SCMH1: variants seen among roughly 807,000 people sequenced by gnomAD.
The protein encoded by SCMH1 is Scm polycomb group protein homolog 1, also known as polycomb protein SCMH1.
In SCMH1, 37 loss-of-function variants were observed where a neutral mutation model predicts 70.8. That is an observed-to-expected ratio of 0.52 (90% CI 0.40 to 0.69). The LOEUF is 0.69. Among genes scored for constraint, SCMH1 ranks in the 30% least tolerant of loss-of-function variants. SCMH1 has a pLI of 0.00. For missense variants in SCMH1, 607 were observed against 827.3 expected (o/e 0.73, Z 3.27); for synonymous variants, 292 against 307.4 (o/e 0.95, Z 0.52).
intron 10 of SCMH1, among the ~76,000 whole-genome samples, chr1:41,056,660 G>A (rs552710883): frequency 2.0e-5 from 3 of 152,318 alleles, no homozygotes; most frequent in Non-Finnish European, 2.9e-5. Flanking sequence ...AATTTGAAGA[G>A]ACAGACAGGT....
chr1:41,036,906 A>G (rs190060487), intron 13 of SCMH1, among the ~76,000 whole-genome samples: 1 of 152,252 alleles, frequency 6.6e-6, no homozygotes, highest in African/African-American at 2.4e-5. Context: ...GTGTCCCTTG[A>G]ACACCAAGCT....
At chr1:41,037,413 A>G (rs1645456586) in exon 13 of SCMH1, 1 of 1,614,220 alleles carries the variant, frequency 6.2e-7, no homozygotes, top group Non-Finnish European at 8.5e-7. Flanking sequence ...GGGAGGCCAC[A>G]GGATGAAAGC....
intron 10 of SCMH1, among the ~76,000 whole-genome samples, chr1:41,052,239 A>G (rs562727090): frequency 6.6e-6 from 1 of 152,276 alleles, no homozygotes; most frequent in South Asian, 2.1e-4. Context: ...CCTGTTAGGA[A>G]AGGGGCTGCA....
intron 6 of SCMH1, among the ~76,000 whole-genome samples, chr1:41,127,302 T>C (rs761805979): frequency 2.0e-5 from 3 of 152,184 alleles, no homozygotes; most frequent in Non-Finnish European, 4.4e-5. Flanking sequence ...CATTTATCAT[T>C]TGTCTTTTAG....
chr1:41,087,947 T>TGTGTGTGTGTGTGTGTGTGC (rs1662229583), intron 8 of SCMH1, among the ~76,000 whole-genome samples: 3 of 151,292 alleles, frequency 2.0e-5, no homozygotes, highest in Non-Finnish European at 4.4e-5. Context: ...GGTGTGTGTG[T>TGTGTGTGTGTGTGTGTGTGC]GTGTGTGTGT....
intron 4 of SCMH1, among the ~76,000 whole-genome samples, chr1:41,154,448 A>G (rs1207124721): frequency 6.6e-6 from 1 of 152,222 alleles, no homozygotes; most frequent in Non-Finnish European, 1.5e-5. Context: ...TGAAGACAAT[A>G]TCTGTCTTAC....
intron 10 of SCMH1, among the ~76,000 whole-genome samples, chr1:41,054,396 C>A (rs1649448773): frequency 6.6e-6 from 1 of 152,118 alleles, no homozygotes; most frequent in African/African-American, 2.4e-5. Flanking sequence ...AAAACATGTA[C>A]ACACACCCCT....
intron 1 of SCMH1, among the ~76,000 whole-genome samples, chr1:41,235,651 C>G (rs1662240421): frequency 6.7e-6 from 1 of 150,114 alleles, no homozygotes; most frequent in African/African-American, 2.4e-5. Flanking sequence ...ACCTATATAT[C>G]CACAACTCAG....
rs770679146 is a variant in SCMH1, at chr1:41,070,579, T to C, written c.1105+16A>G. 6.2e-7 allele frequency: 1 copy of C among 1,613,978 alleles called. No individual in the cohort carries two copies. Among genetic ancestry groups the C allele is most frequent in the South Asian group, 1.1e-5 (1 of 91,070 alleles). ...TCTGGGGCTTGTGCGCAGGTAGTCCTGTCATCTGCTCTTACCTGTTGGGGC... is the reference window on the plus strand; with the variant it reads ...TCTGGGGCTTGTGCGCAGGTAGTCCCGTCATCTGCTCTTACCTGTTGGGGC... On this transcript the variant is annotated intron_variant, in intron 10 of 14. Coordinates refer to ENST00000337495, the Ensembl canonical transcript of SCMH1.
chr1:41,084,012 C>T (rs1373422872), intron 8 of SCMH1, among the ~76,000 whole-genome samples: 1 of 152,120 alleles, frequency 6.6e-6, no homozygotes, highest in Non-Finnish European at 1.5e-5. Flanking sequence ...AGACCTAAAA[C>T]CATAAAAACC....
chr1:41,129,040 C>T (rs550469533), intron 6 of SCMH1, among the ~76,000 whole-genome samples: 4 of 152,042 alleles, frequency 2.6e-5, no homozygotes, highest in Non-Finnish European at 4.4e-5. Flanking sequence ...CTACTCATGA[C>T]GCTCATGATT....
chr1:41,115,042 T>A (rs1403568411), intron 7 of SCMH1, among the ~76,000 whole-genome samples: 3 of 152,192 alleles, frequency 2.0e-5, no homozygotes, highest in African/African-American at 7.2e-5. Flanking sequence ...AAATATCTCA[T>A]GCTTTTTTAC....
intron 6 of SCMH1, among the ~76,000 whole-genome samples, chr1:41,119,845 C>T (rs1671488032): frequency 6.6e-6 from 1 of 152,166 alleles, no homozygotes. Context: ...ATAATTCCTG[C>T]CTCCTCCTTT....
At chr1:41,167,960 CT>C (rs1354309106) in intron 2 of SCMH1, among the ~76,000 whole-genome samples, 3 of 129,480 alleles carry the variant, frequency 2.3e-5, no homozygotes, top group African/African-American at 8.7e-5. Context: ...TCATCCTACT[CT>C]CTTCTGATCT....
chr1:41,033,999 T>C (rs1180979193), intron 13 of SCMH1: 7 of 1,614,046 alleles, frequency 4.3e-6, no homozygotes, highest in Non-Finnish European at 5.9e-6. Context: ...AACGATTTAG[T>C]TTCCAAAATG....
chr1:41,130,062 T>C (rs978112514), intron 6 of SCMH1, among the ~76,000 whole-genome samples: 1 of 152,214 alleles, frequency 6.6e-6, no homozygotes, highest in Non-Finnish European at 1.5e-5. Flanking sequence ...AGTTTTAATT[T>C]GTAGTTCCCT....
In SCMH1 at chr1:41,120,207, G is replaced by T. The variant is rs1432496505; in HGVS notation, c.413-3197C>A. On this transcript the variant is annotated intron_variant, in intron 6 of 14. Transcript: ENST00000337495. Reference sequence around the variant, plus strand: ...TCCCAATTCCATTTTTGAGGTAGGGGTTACTGGGGGGTTTCTATCTCATCT... The same window carrying T: ...TCCCAATTCCATTTTTGAGGTAGGGTTTACTGGGGGGTTTCTATCTCATCT... Among the ~76,000 whole-genome samples the T allele has an allele frequency of 5.3e-5, 8 of 152,208 alleles. No homozygotes were observed. In the East Asian group the frequency reaches 1.5e-3, roughly 29 times the overall value.
intron 13 of SCMH1, among the ~76,000 whole-genome samples, chr1:41,035,597 G>C (rs1218999731): frequency 6.6e-6 from 1 of 152,132 alleles, no homozygotes; most frequent in Non-Finnish European, 1.5e-5. Context: ...CTCAGAGAAA[G>C]TGTGCCTCCT....
intron 13 of SCMH1, among the ~76,000 whole-genome samples, chr1:41,034,488 C>T (rs909134779): frequency 6.6e-5 from 10 of 152,010 alleles, no homozygotes; most frequent in Non-Finnish European, 7.4e-5. Context: ...CTACCACGTC[C>T]GGCTAATTTT....
Sources: gnomAD v4.1 joint callset for allele counts (sites outside exome capture counted in the v4.1 genomes callset) on GRCh38, gnomAD v4.1.1 for gene constraint, MANE v1.5 for transcripts, NCBI Gene and HGNC (gene_info 2026-07-23, HGNC 2026-07-21) for gene names.